CENPO: variants seen among roughly 807,000 people sequenced by gnomAD.
CENPO encodes centromeric protein O.
A neutral mutation model predicts 36.1 loss-of-function variants in CENPO; 30 were observed. The ratio of observed to expected loss-of-function variants is 0.83; its 90% CI spans 0.62 to 1.13. The LOEUF (loss-of-function observed/expected upper bound fraction) is 1.13, where lower values mean the gene tolerates loss of function less well. CENPO is among the 50% of genes most tolerant of loss of function. The probability of loss-of-function intolerance (pLI) is 0.00; values close to 1 mark genes in which losing one functional copy is unlikely to be tolerated. For missense variants in CENPO, 349 were observed against 357.8 expected (o/e 0.98, Z 0.20); for synonymous variants, 171 against 142.3 (o/e 1.20, Z -1.44).
At position 24,820,064 on chromosome 2, in the gene CENPO, C is replaced by G. The variant is rs1667321234; in HGVS notation, c.*746C>G. On this transcript the variant is annotated 3_prime_UTR_variant, in exon 8 of 8. Transcript: ENST00000380834. ...CCTTCACAAAGATGGGGCCTCGCCT[C>G]ACAAAGCGGAAGCCGTACTCTCGGA... 9.4e-6 allele frequency: 15 copies of G among 1,591,098 alleles called. No homozygotes were observed. In the South Asian group the frequency reaches 1.7e-4, roughly 18 times the overall value.
Position 24,799,860 on chromosome 2 carries a change from G to A in CENPO, c.216+16G>A, listed in dbSNP as rs1387547953. ...GCGAGCCAGCGTGAGTAGAAGGGTGGTATCAGCAGTTCCTTTAGAGTATAA... is the reference window on the plus strand; with the variant it reads ...GCGAGCCAGCGTGAGTAGAAGGGTGATATCAGCAGTTCCTTTAGAGTATAA... On this transcript the variant is annotated intron_variant, in intron 3 of 7. Coordinates refer to ENST00000380834, the MANE Select transcript of CENPO (RefSeq NM_001322101.2). 6.2e-7 allele frequency: 1 copy of A among 1,611,826 alleles called. No individual in the cohort carries two copies. The highest frequency in any genetic ancestry group is 8.5e-7 in the Non-Finnish European group (1 of 1,179,594).
chr2:24,821,423 A>C lies in CENPO; in HGVS notation c.*2105A>C. ...TGAACCTCCCCACCCGAATTGCCTC[A>C]GTTGTCCTGAGCCTCATGTCTCTCC... On this transcript the variant is annotated 3_prime_UTR_variant, in exon 8 of 8. Coordinates refer to ENST00000380834, the MANE Select transcript of CENPO (RefSeq NM_001322101.2). 1 of 1,534,170 alleles carries C rather than the reference A, an allele frequency of 6.5e-7. No homozygotes were observed. Among genetic ancestry groups the C allele is most frequent in the African/African-American group, 1.4e-5 (1 of 73,138 alleles).
chr2:24,799,646 T>C, intron 2 of CENPO, 29 bp from the exon 3 acceptor site: 2 of 1,557,722 alleles, frequency 1.3e-6, no homozygotes, highest in Non-Finnish European at 1.7e-6. Flanking sequence ...CCTCAGCTTC[T>C]TGTAAAATTC....
rs768576678 is a variant in CENPO at position 24,820,670 on chromosome 2, G to A, written c.*1352G>A. 234 of 1,608,906 alleles carry A rather than the reference G, an allele frequency of 1.5e-4. 1 individual carries two copies. Among genetic ancestry groups the A allele is most frequent in the Admixed American group, 7.0e-4 (42 of 59,782 alleles). ...GGGGCACGTGGGAAAGCACTGTTCC[G>A]GTTTTGTTCTCATGCCGAGTCTGAG... On this transcript the variant is annotated 3_prime_UTR_variant, in exon 8 of 8. Coordinates refer to ENST00000380834, the MANE Select transcript of CENPO (RefSeq NM_001322101.2).
In CENPO at chr2:24,821,777, G is replaced by C. The variant is rs748074117; in HGVS notation, c.*2459G>C. ...AGGCCTTACTTTTCCTCCCACAAAG[G>C]AGTCGCAGCCACGCTAGCTCTGACT... On this transcript the variant is annotated 3_prime_UTR_variant, in exon 8 of 8. Coordinates refer to ENST00000380834, the MANE Select transcript of CENPO (RefSeq NM_001322101.2). 9.1e-6 allele frequency: 12 copies of C among 1,322,932 alleles called. No individual in the cohort carries two copies. Among genetic ancestry groups the C allele is most frequent in the Non-Finnish European group, 1.2e-5 (12 of 974,942 alleles). The allele number at this position is 1,322,932 out of a possible 1,614,324, so 81.9% of individuals were successfully genotyped here. A position where few individuals can be genotyped will look rare whatever the true frequency, so the allele number is the denominator to read the frequency against.
intron 7 of CENPO, among the ~76,000 whole-genome samples, chr2:24,818,397 G>GAA (rs1553328269): frequency 6.6e-6 from 1 of 151,730 alleles, no homozygotes; most frequent in East Asian, 1.9e-4. Context: ...TTTTTAAAAG[G>GAA]AAAGTATTTT....
chr2:24,820,781 G>A lies in CENPO; in HGVS notation c.*1463G>A. On this transcript the variant is annotated 3_prime_UTR_variant, in exon 8 of 8. Transcript: ENST00000380834. The stretch of plus-strand genomic sequence containing the variant: ...TCCTGCTGGCTACATTGACTGTATT[G>A]CCCCAGATGTCGTAGTGTGGTTTCC... 1 of 1,614,028 alleles carries A rather than the reference G, an allele frequency of 6.2e-7. No individual in the cohort carries two copies. Among genetic ancestry groups the A allele is most frequent in the Non-Finnish European group, 8.5e-7 (1 of 1,179,998 alleles).
chr2:24,816,852 T>C (rs1666957818), intron 6 of CENPO, 35 bp downstream of exon 6: 1 of 1,541,996 alleles, frequency 6.5e-7, no homozygotes, highest in South Asian at 1.3e-5. Context: ...AATTCTCATA[T>C]CCCAGTTTAT....
At chr2:24,798,468 A>T (rs1033007050) in intron 2 of CENPO, among the ~76,000 whole-genome samples, 2 of 151,990 alleles carry the variant, frequency 1.3e-5, no homozygotes, top group South Asian at 2.1e-4. Flanking sequence ...TTGATCTCAC[A>T]CAAATTTTTT....
intron 3 of CENPO, among the ~76,000 whole-genome samples, chr2:24,811,830 T>A (rs1382156961): frequency 1.3e-5 from 2 of 152,146 alleles, no homozygotes; most frequent in Admixed American, 1.3e-4. Context: ...ACTCCTGACC[T>A]CATGATCTGC....
At chr2:24,817,528 C>T in intron 6 of CENPO, 142 bp from the exon 7 acceptor site, 1 of 1,109,006 alleles carries the variant, frequency 9.0e-7, no homozygotes, top group Non-Finnish European at 1.3e-6. Context: ...TTCCGATTCC[C>T]CCAGCTGCAC....
At chr2:24,799,578 A>G in intron 2 of CENPO, 97 bp from the exon 3 acceptor site, 1 of 983,398 alleles carries the variant, frequency 1.0e-6, no homozygotes, top group Non-Finnish European at 1.5e-6. Context: ...TCTGGTAAAA[A>G]AAAAAAAAGA....
At chr2:24,794,674 CTG>C (rs1313651982) in intron 2 of CENPO, among the ~76,000 whole-genome samples, 1 of 152,200 alleles carries the variant, frequency 6.6e-6, no homozygotes, top group African/African-American at 2.4e-5. Flanking sequence ...CCTTTGGAAA[CTG>C]AGATTTGCGT....
intron 6 of CENPO, among the ~76,000 whole-genome samples, chr2:24,817,398 C>T (rs1009698584): frequency 1.9e-4 from 28 of 149,400 alleles, no homozygotes; most frequent in African/African-American, 6.2e-4. Context: ...GATTTCTCTG[C>T]GCAGTTAGAT....
chr2:24,811,028 C>A lies in CENPO; in HGVS notation c.217-3348C>A, dbSNP rs191520200. On this transcript the variant is annotated intron_variant, in intron 3 of 7. Coordinates refer to ENST00000380834, the MANE Select transcript of CENPO (RefSeq NM_001322101.2). ...GCGAGATCTCAGCTCACTGCAATTTCTGCCTCCTGGCTTCAAGTGATTCTC... is the reference window on the plus strand; with the variant it reads ...GCGAGATCTCAGCTCACTGCAATTTATGCCTCCTGGCTTCAAGTGATTCTC... Among the ~76,000 whole-genome samples, 288 of 151,872 alleles carry A rather than the reference C, an allele frequency of 1.9e-3. 3 individuals carry two copies. Among genetic ancestry groups the A allele is most frequent in the Admixed American group, 0.015 (233 of 15,254 alleles).
Position 24,821,482 on chromosome 2 carries a change from G to A in CENPO, c.*2164G>A. 1.2e-6 allele frequency: 2 copies of A among 1,610,360 alleles called. No homozygotes were observed. The highest frequency in any genetic ancestry group is 1.1e-5 in the South Asian group (1 of 90,656). ...GGCCAGGCCCCTGCATGGGAAGGGA[G>A]CCTGCTGCGGGGCAGGCCAGCTGGG... On this transcript the variant is annotated 3_prime_UTR_variant, in exon 8 of 8. Coordinates refer to ENST00000380834, the MANE Select transcript of CENPO (RefSeq NM_001322101.2).
intron 2 of CENPO, among the ~76,000 whole-genome samples, chr2:24,796,046 G>A (rs772552516): frequency 4.6e-5 from 7 of 152,150 alleles, no homozygotes; most frequent in Non-Finnish European, 7.3e-5. Flanking sequence ...CTGGTTGTCC[G>A]TGTTTCGGTA....
rs914368889 is a variant in CENPO at position 24,820,581 on chromosome 2, T to A, written c.*1263T>A. ...GTGCTGAGGCTAGCTATTGCAGAGA[T>A]TCTTTTCCACTTGCCCCACGTCTCT... On this transcript the variant is annotated 3_prime_UTR_variant, in exon 8 of 8. Transcript: ENST00000380834. 6.8e-7 allele frequency: 1 copy of A among 1,466,848 alleles called. No homozygotes were observed. The highest frequency in any genetic ancestry group is 9.1e-7 in the Non-Finnish European group (1 of 1,098,522). The allele number at this position is 1,466,848 out of a possible 1,614,324, so 90.9% of individuals were successfully genotyped here. A position where few individuals can be genotyped will look rare whatever the true frequency, so the allele number is the denominator to read the frequency against.
intron 3 of CENPO, among the ~76,000 whole-genome samples, chr2:24,807,752 A>G (rs964700808): frequency 6.6e-6 from 1 of 152,254 alleles, no homozygotes; most frequent in African/African-American, 2.4e-5. Flanking sequence ...CATTCCCAGC[A>G]ATAGTGTTAA....
Sources: allele counts gnomAD v4.1 joint callset (sites outside exome capture counted in the v4.1 genomes callset), GRCh38; gene constraint gnomAD v4.1.1; transcripts MANE v1.5; gene names NCBI Gene and HGNC (gene_info 2026-07-23, HGNC 2026-07-21).